FAM193A: variants seen among roughly 807,000 people sequenced by gnomAD.
FAM193A encodes family with sequence similarity 193 member A.
A neutral mutation model predicts 126.5 loss-of-function variants in FAM193A; 22 were observed. The observed-to-expected ratio is 0.17, with a 90% CI of 0.12 to 0.25. FAM193A has a LOEUF of 0.25. Ranked by LOEUF, FAM193A falls within the 10% of genes least tolerant of loss-of-function variation. The pLI is 1.00. For synonymous variants in FAM193A, 761 were observed against 646.8 expected (o/e 1.18, Z -2.68); for missense variants, 1,675 against 1,672.8 (o/e 1.00, Z -0.02).
chr4:2,732,218 CAT>C lies in FAM193A; in HGVS notation c.*351_*352del. The C allele has an allele frequency of 3.3e-6, 1 of 307,094 alleles. No homozygotes were observed. The allele number at this position is 307,094 out of a possible 1,614,324, so 19.0% of individuals were successfully genotyped here. ...GCCTCTGCATTGCGCCCTGTCCTGT[CAT>C]GTGTCCTCACCGGGGTATCGGCCGT... On this transcript the variant is annotated 3_prime_UTR_variant, in exon 21 of 21. Coordinates refer to ENST00000637812, the MANE Select transcript of FAM193A (RefSeq NM_001366318.2).
intron 1 of FAM193A, among the ~76,000 whole-genome samples, chr4:2,590,506 C>CAAAAAAAAACA (rs1740502466): frequency 3.0e-5 from 1 of 33,220 alleles, no homozygotes; most frequent in Admixed American, 1.9e-4. Context: ...CAAAAAAAAA[C>CAAAAAAAAACA]AAAAAAAAAA....
At chr4:2,641,069 C>G (rs1215937321) in intron 6 of FAM193A, among the ~76,000 whole-genome samples, 3 of 151,866 alleles carry the variant, frequency 2.0e-5, no homozygotes, top group African/African-American at 7.2e-5. Flanking sequence ...GAGACAGTGT[C>G]TTGCTCTGTC....
intron 1 of FAM193A, among the ~76,000 whole-genome samples, chr4:2,587,766 A>C (rs1740315314): frequency 6.6e-6 from 1 of 152,222 alleles, no homozygotes; most frequent in African/African-American, 2.4e-5. Context: ...GAAGGAATTC[A>C]CTGAAAAGGA....
intron 1 of FAM193A, among the ~76,000 whole-genome samples, chr4:2,574,873 A>G (rs1048332447): frequency 1.3e-5 from 2 of 152,242 alleles, no homozygotes; most frequent in Admixed American, 6.5e-5. Context: ...TATTGGAAGC[A>G]TTGAAAAGCT....
At chr4:2,560,267 GTTC>G (rs1738530507) in intron 1 of FAM193A, among the ~76,000 whole-genome samples, 1 of 152,094 alleles carries the variant, frequency 6.6e-6, no homozygotes, top group African/African-American at 2.4e-5. Context: ...TTTCCAGTGA[GTTC>G]TTCTGTCTTT....
intron 12 of FAM193A, among the ~76,000 whole-genome samples, chr4:2,670,475 C>G (rs1713662298): frequency 6.6e-6 from 1 of 151,610 alleles, no homozygotes; most frequent in Non-Finnish European, 1.5e-5. Flanking sequence ...TTTTTCCAGA[C>G]AAGGTCTTGC....
intron 1 of FAM193A, among the ~76,000 whole-genome samples, chr4:2,561,622 G>A (rs1039329584): frequency 1.6e-4 from 24 of 151,214 alleles, no homozygotes; most frequent in African/African-American, 4.9e-4. Context: ...TCAGCCTGCC[G>A]AGTAGCTGGG....
Position 2,699,842 on chromosome 4 carries a change from G to A in FAM193A, c.3670G>A (p.Val1224Ile), listed in dbSNP as rs572717327. Residue 1224 changes from valine (V) to isoleucine (I), a missense_variant, in exon 19 of 21, where the codon GTA becomes ATA. By Grantham distance (29) the Val-to-Ile change is conservative (BLOSUM62 3). Around this residue, in one of 4 missense-constraint regions of FAM193A, gnomAD observed 415 missense variants for 396.7 expected, o/e 1.05. Coordinates refer to ENST00000637812, the MANE Select transcript of FAM193A (RefSeq NM_001366318.2). ...RLQELQKLRAVKKKKKERPSK... is the reference protein window; with the variant it reads ...RLQELQKLRAIKKKKKERPSK... The stretch of plus-strand genomic sequence containing the variant: ...TCAGGAGCTTCAGAAGCTAAGAGCT[G>A]TAAAAAAGAAGAAGAAGGAGAGGCC... 1.9e-6 allele frequency: 3 copies of A among 1,613,896 alleles called. No homozygotes were observed. The highest frequency in any genetic ancestry group is 1.1e-5 in the South Asian group (1 of 91,084).
chr4:2,580,116 G>A (rs1324382638), intron 1 of FAM193A, among the ~76,000 whole-genome samples: 1 of 152,112 alleles, frequency 6.6e-6, no homozygotes, highest in Admixed American at 6.6e-5. Context: ...AAAAGAATGG[G>A]ATCCTGTTCA....
intron 13 of FAM193A, among the ~76,000 whole-genome samples, chr4:2,674,741 T>C (rs959326910): frequency 6.6e-5 from 10 of 151,820 alleles, no homozygotes; most frequent in African/African-American, 1.9e-4. Flanking sequence ...AGCTCACGCC[T>C]GTAATCCCAG....
chr4:2,696,311 T>C (rs1577223598), intron 17 of FAM193A, 52 bp from the exon 18 acceptor site: 1 of 1,251,102 alleles, frequency 8.0e-7, no homozygotes, highest in East Asian at 2.3e-5. Context: ...GTCTGAAATT[T>C]ATTATATTCA....
At chr4:2,673,163 T>C (rs866128981) in intron 13 of FAM193A, among the ~76,000 whole-genome samples, 4 of 144,726 alleles carry the variant, frequency 2.8e-5, no homozygotes, top group African/African-American at 1.2e-4. Context: ...ATTGTTTTCT[T>C]TTTTTTCTTT....
At chr4:2,729,574 C>T (rs1721146945) in intron 20 of FAM193A, among the ~76,000 whole-genome samples, 1 of 152,170 alleles carries the variant, frequency 6.6e-6, no homozygotes, top group South Asian at 2.1e-4. Context: ...CTTCTTCTGC[C>T]TTATGGCCTT....
At chr4:2,606,703 A>T (rs1489111413) in intron 2 of FAM193A, among the ~76,000 whole-genome samples, 2 of 152,186 alleles carry the variant, frequency 1.3e-5, no homozygotes, top group Admixed American at 1.3e-4. Context: ...AGGTAGACAG[A>T]TTTTCCTGAT....
intron 18 of FAM193A, 104 bp downstream of exon 18, chr4:2,696,697 C>A (rs1164586458): frequency 3.7e-6 from 3 of 814,840 alleles, no homozygotes; most frequent in Middle Eastern, 2.7e-4. Flanking sequence ...GAGGTCGGGG[C>A]TCTGACGTGT....
chr4:2,731,884 A>AG lies in FAM193A; in HGVS notation c.*17dup. ...TGCCCACTGAATGAGGACTCCCTGGAGAGGGACACGCGAGAGGCAGGCCAG... is the reference window on the plus strand; with the variant it reads ...TGCCCACTGAATGAGGACTCCCTGGAGGAGGGACACGCGAGAGGCAGGCCAG... On this transcript the variant is annotated 3_prime_UTR_variant, in exon 21 of 21. Coordinates refer to ENST00000637812, the MANE Select transcript of FAM193A (RefSeq NM_001366318.2). 6.3e-7 allele frequency: 1 copy of AG among 1,593,750 alleles called. No homozygotes were observed. Among genetic ancestry groups the AG allele is most frequent in the Non-Finnish European group, 8.6e-7 (1 of 1,161,684 alleles).
At chr4:2,697,143 GC>G (rs1470355522) in intron 18 of FAM193A, among the ~76,000 whole-genome samples, 4 of 152,148 alleles carry the variant, frequency 2.6e-5, no homozygotes, top group African/African-American at 9.7e-5. Context: ...GAAGACATGA[GC>G]AGTTCCCTCC....
At chr4:2,587,818 A>G (rs1238606374) in intron 1 of FAM193A, among the ~76,000 whole-genome samples, 1 of 152,204 alleles carries the variant, frequency 6.6e-6, no homozygotes, top group Non-Finnish European at 1.5e-5. Flanking sequence ...CAGAAGTGCT[A>G]CTGAGAGGAG....
At chr4:2,624,467 C>G (rs1296634695) in intron 2 of FAM193A, among the ~76,000 whole-genome samples, 1 of 152,170 alleles carries the variant, frequency 6.6e-6, no homozygotes, top group Non-Finnish European at 1.5e-5. Context: ...CTTAAGCCTC[C>G]TTGTTCCTCA....
Sources: allele counts gnomAD v4.1 joint callset (sites outside exome capture counted in the v4.1 genomes callset), GRCh38; gene constraint gnomAD v4.1.1; regional missense constraint gnomAD v4.1.1; transcripts MANE v1.5; gene names NCBI Gene and HGNC (gene_info 2026-07-23, HGNC 2026-07-21).